The following FAM47E variants were observed in gnomAD, a reference collection of about 807,000 sequenced individuals.
FAM47E encodes the protein protein FAM47E.
In FAM47E, 32 loss-of-function variants were observed where a neutral mutation model predicts 41.6. The observed-to-expected ratio is 0.77, with a 90% CI of 0.58 to 1.03. The LOEUF is 1.03. Among genes scored for constraint, FAM47E ranks in the 50% least tolerant of loss-of-function variants. The pLI is 0.00. For missense variants in FAM47E, 424 were observed against 485.4 expected (o/e 0.87, Z 1.19); for synonymous variants, 184 against 188.7 (o/e 0.98, Z 0.20).
At chr4:76,223,294 A>G (rs1044258867) in intron 2 of FAM47E, among the ~76,000 whole-genome samples, 5 of 152,210 alleles carry the variant, frequency 3.3e-5, no homozygotes, top group Non-Finnish European at 5.9e-5. Flanking sequence ...TTTGGGAGAC[A>G]GAATTGTCTC....
intron 2 of FAM47E, among the ~76,000 whole-genome samples, chr4:76,235,532 A>T (rs1260918136): frequency 6.6e-6 from 1 of 152,136 alleles, no homozygotes; most frequent in Non-Finnish European, 1.5e-5. Context: ...CCCATTTTAC[A>T]TTTGAAAAAA....
At chr4:76,261,883 A>G (rs1167162342) in intron 2 of FAM47E, among the ~76,000 whole-genome samples, 1 of 152,224 alleles carries the variant, frequency 6.6e-6, no homozygotes, top group Non-Finnish European at 1.5e-5. Flanking sequence ...CATGAAAACA[A>G]GTGTCATTTG....
chr4:76,276,482 C>T (rs1735121798), intron 5 of FAM47E, among the ~76,000 whole-genome samples: 1 of 152,136 alleles, frequency 6.6e-6, no homozygotes, highest in Non-Finnish European at 1.5e-5. Flanking sequence ...AAGCGATTCT[C>T]CTGCCTCAGC....
intron 2 of FAM47E, among the ~76,000 whole-genome samples, chr4:76,263,273 A>T (rs1734495660): frequency 6.6e-6 from 1 of 152,198 alleles, no homozygotes; most frequent in Non-Finnish European, 1.5e-5. Flanking sequence ...CTGACTGTTT[A>T]TGCTTGCAAA....
chr4:76,251,964 T>C (rs943027372), intron 1 of FAM47E, 144 bp downstream of exon 1: 2 of 1,101,482 alleles, frequency 1.8e-6, no homozygotes, highest in Non-Finnish European at 1.2e-6. Flanking sequence ...TACAACATAA[T>C]ACGCTGAGAT....
chr4:76,253,431 C>T (rs542181349), intron 1 of FAM47E, among the ~76,000 whole-genome samples: 1 of 152,162 alleles, frequency 6.6e-6, no homozygotes, highest in South Asian at 2.1e-4. Context: ...GGGAAATATC[C>T]ATATATCATG....
chr4:76,254,019 G>C (rs1162778373), intron 1 of FAM47E, among the ~76,000 whole-genome samples: 1 of 151,656 alleles, frequency 6.6e-6, no homozygotes, highest in East Asian at 1.9e-4. Context: ...CTACTTGGGG[G>C]ACTGAGATTG....
At chr4:76,240,067 C>G (rs1733675064) in intron 2 of FAM47E, among the ~76,000 whole-genome samples, 2 of 152,148 alleles carry the variant, frequency 1.3e-5, no homozygotes. Context: ...GTCTATATGT[C>G]TGTCTTTGTG....
chr4:76,280,643 G>A (rs576776829), intron 7 of FAM47E: 1 of 225,012 alleles, frequency 4.4e-6, no homozygotes, highest in South Asian at 1.4e-4. Flanking sequence ...ACAGGGCATG[G>A]GCCTTGCAAA....
chr4:76,220,971 G>C (rs1286582834), intron 2 of FAM47E, among the ~76,000 whole-genome samples: 1 of 152,074 alleles, frequency 6.6e-6, no homozygotes, highest in African/African-American at 2.4e-5. Flanking sequence ...CTTCCTCCTG[G>C]TCCTCTTTAT....
intron 2 of FAM47E, among the ~76,000 whole-genome samples, chr4:76,233,863 G>A: frequency 8.6e-6 from 1 of 116,180 alleles, no homozygotes; most frequent in Non-Finnish European, 1.8e-5. Context: ...TAGTTGGTTG[G>A]GGGGGGCTTG....
chr4:76,221,352 C>G (rs951133221), intron 2 of FAM47E, among the ~76,000 whole-genome samples: 17 of 152,174 alleles, frequency 1.1e-4, no homozygotes, highest in African/African-American at 4.1e-4. Flanking sequence ...AAGTTTCGCT[C>G]TTGTTGCTCA....
chr4:76,263,943 A>ATG, intron 3 of FAM47E, 100 bp downstream of exon 3: 1 of 1,455,798 alleles, frequency 6.9e-7, no homozygotes, highest in Non-Finnish European at 9.1e-7. Flanking sequence ...ACTTCTAATG[A>ATG]AGCAAATGTA....
chr4:76,265,794 T>C (rs1471133836), intron 3 of FAM47E, among the ~76,000 whole-genome samples: 2 of 152,154 alleles, frequency 1.3e-5, no homozygotes, highest in African/African-American at 4.8e-5. Flanking sequence ...GGCTGAAGAT[T>C]AAAAACTCTT....
intron 3 of FAM47E, 115 bp downstream of exon 3, chr4:76,263,958 AG>A: frequency 7.0e-7 from 1 of 1,426,354 alleles, no homozygotes; most frequent in Middle Eastern, 1.9e-4. Context: ...AATGTAACTA[AG>A]TTCCCAAGGA....
chr4:76,255,324 T>A (rs939516082), intron 1 of FAM47E, among the ~76,000 whole-genome samples: 8 of 152,212 alleles, frequency 5.3e-5, no homozygotes, highest in Non-Finnish European at 1.2e-4. Context: ...TCGTGCCTAA[T>A]TCATAGGGTT....
chr4:76,247,893 A>G (rs1000593195), upstream of FAM47E, among the ~76,000 whole-genome samples: 17 of 128,016 alleles, frequency 1.3e-4, no homozygotes, highest in African/African-American at 3.6e-4. Flanking sequence ...CCTGTGGGTT[A>G]TCTTTTCACT....
chr4:76,257,626 C>T (rs1019303118), intron 2 of FAM47E, among the ~76,000 whole-genome samples: 1 of 152,176 alleles, frequency 6.6e-6, no homozygotes, highest in African/African-American at 2.4e-5. Flanking sequence ...ACATTATGAG[C>T]ATGTCCAATT....
intron 1 of FAM47E, among the ~76,000 whole-genome samples, chr4:76,255,615 T>C (rs7655536): frequency 0.28 from 41,962 of 151,954 alleles, 6,979 homozygotes; most frequent in East Asian, 0.74. Context: ...TTCTTCCCGC[T>C]CAACTGCACT....
Sources: allele counts gnomAD v4.1 joint callset (sites outside exome capture counted in the v4.1 genomes callset), GRCh38; gene constraint gnomAD v4.1.1; transcripts MANE v1.5; gene names NCBI Gene and HGNC (gene_info 2026-07-23, HGNC 2026-07-21).